The following ARID4B variants were observed in gnomAD, a reference collection of about 807,000 sequenced individuals.
The protein encoded by ARID4B is AT-rich interactive domain-containing protein 4B.
Under a neutral mutation model 147.5 loss-of-function variants are expected in ARID4B, and 26 were observed. The ratio of observed to expected loss-of-function variants is 0.18; its 90% confidence interval spans 0.13 to 0.24. The LOEUF is 0.24. Among genes scored for constraint, ARID4B ranks in the 10% least tolerant of loss-of-function variants. ARID4B has a pLI of 1.00. For synonymous variants in ARID4B, 512 were observed against 507.9 expected (o/e 1.01, Z -0.11); for missense variants, 1,179 against 1,511.5 (o/e 0.78, Z 3.65).
At chr1:235,236,859 TATA>T (rs1204365512) in intron 8 of ARID4B, among the ~76,000 whole-genome samples, 7 of 39,818 alleles carry the variant, frequency 1.8e-4, no homozygotes, top group African/African-American at 4.9e-4. Context: ...TATATATATA[TATA>T]TTTTTTTTTT....
intron 6 of ARID4B, among the ~76,000 whole-genome samples, chr1:235,252,154 T>A (rs765416698): frequency 2.6e-5 from 4 of 152,148 alleles, no homozygotes; most frequent in Non-Finnish European, 4.4e-5. Flanking sequence ...AACAAAGCCA[T>A]GAAGAAGATA....
intron 10 of ARID4B, 139 bp from the exon 11 acceptor site, chr1:235,229,524 TG>T (rs1296311771): frequency 4.7e-6 from 3 of 640,328 alleles, no homozygotes; most frequent in Non-Finnish European, 7.9e-6. Context: ...CCAGAAACTG[TG>T]TTAAGTGCTT....
At chr1:235,197,366 C>T (rs1267608531) in intron 17 of ARID4B, among the ~76,000 whole-genome samples, 1 of 152,190 alleles carries the variant, frequency 6.6e-6, no homozygotes, top group African/African-American at 2.4e-5. Context: ...AAGTAAATGA[C>T]TTGAGTCATT....
chr1:235,290,637 T>C (rs1178554181), intron 2 of ARID4B, among the ~76,000 whole-genome samples: 1 of 152,230 alleles, frequency 6.6e-6, no homozygotes, highest in Non-Finnish European at 1.5e-5. Flanking sequence ...TCGTAAATCT[T>C]ATACATCTGT....
At chr1:235,217,794 T>C (rs921977397) in intron 16 of ARID4B, among the ~76,000 whole-genome samples, 13 of 152,290 alleles carry the variant, frequency 8.5e-5, no homozygotes, top group African/African-American at 3.1e-4. Context: ...ATTATCACTG[T>C]AAAATTTTCC....
intron 11 of ARID4B, among the ~76,000 whole-genome samples, chr1:235,226,898 A>G (rs1667869533): frequency 6.6e-6 from 1 of 152,092 alleles, no homozygotes. Context: ...CAAACTCCTG[A>G]CCTCAGGTGA....
chr1:235,179,305 A>C (rs1332474460), intron 20 of ARID4B, among the ~76,000 whole-genome samples: 2 of 152,010 alleles, frequency 1.3e-5, no homozygotes, highest in African/African-American at 4.8e-5. Flanking sequence ...AGGCCAAGGT[A>C]GGTGGATTAC....
At chr1:235,201,326 T>C (rs1006960716) in intron 17 of ARID4B, among the ~76,000 whole-genome samples, 1 of 151,868 alleles carries the variant, frequency 6.6e-6, no homozygotes. Context: ...AATACGAGAA[T>C]CTTCTTTTTT....
chr1:235,180,267 G>C (rs1476569596), intron 20 of ARID4B: 1 of 150,030 alleles, frequency 6.7e-6, no homozygotes, highest in East Asian at 2.0e-4. Flanking sequence ...CCCCAAGGTA[G>C]CTGGGACTAC....
At chr1:235,184,540 TCTA>T (rs963703725) in intron 19 of ARID4B, among the ~76,000 whole-genome samples, 3 of 152,218 alleles carry the variant, frequency 2.0e-5, no homozygotes, top group African/African-American at 7.2e-5. Flanking sequence ...ACTATAGCTC[TCTA>T]CTGAGAAATC....
chr1:235,177,317 A>T (rs1019447501), intron 21 of ARID4B, among the ~76,000 whole-genome samples: 3 of 152,216 alleles, frequency 2.0e-5, no homozygotes, highest in South Asian at 4.1e-4. Flanking sequence ...TGATGTTTAT[A>T]ATATATTGGC....
In ARID4B at chr1:235,240,690, TGAG is replaced by T. The variant is rs575725686; in HGVS notation, c.447-242_447-240del. Among the ~76,000 whole-genome samples, 398 of 152,204 alleles carry T rather than the reference TGAG, an allele frequency of 2.6e-3. 2 individuals carry two copies. The highest frequency in any genetic ancestry group is 0.024 in the Middle Eastern group (7 of 294). ...TTTATTTAGTGCTACTGTAAAAAAT[TGAG>T]GAGGAAGATCAGGACAAATAACTGG... On this transcript the variant is annotated intron_variant, in intron 7 of 23. Coordinates refer to ENST00000264183, the MANE Select transcript of ARID4B (RefSeq NM_016374.6).
At chr1:235,213,370 G>A (rs1666829563) in intron 17 of ARID4B, among the ~76,000 whole-genome samples, 1 of 152,152 alleles carries the variant, frequency 6.6e-6, no homozygotes, top group South Asian at 2.1e-4. Context: ...TTAAATCCCT[G>A]ACTACAGAAG....
intron 2 of ARID4B, among the ~76,000 whole-genome samples, chr1:235,261,799 C>G (rs1039971828): frequency 2.0e-5 from 3 of 152,132 alleles, no homozygotes; most frequent in East Asian, 1.9e-4. Flanking sequence ...CTAAGGAGTT[C>G]TTCTGCTTAT....
intron 2 of ARID4B, among the ~76,000 whole-genome samples, chr1:235,270,225 G>A (rs1281120800): frequency 6.6e-6 from 1 of 152,172 alleles, no homozygotes; most frequent in East Asian, 1.9e-4. Context: ...GGTGCTTGCA[G>A]TGAGCCGAGA....
At position 235,182,254 on chromosome 1, in the gene ARID4B, G is replaced by T. The variant is rs755714856; in HGVS notation, c.2665C>A (p.Leu889Ile). Reference protein sequence around the residue: ...YNGLEEKRKSLRTTGFYSGFS... With the variant: ...YNGLEEKRKSIRTTGFYSGFS... Reference sequence around the variant, plus strand: ...CCTGAATAGAAACCAGTTGTCCGTAGAGATTTTCTTTTTTCCTCCAAACCA... The same window carrying T: ...CCTGAATAGAAACCAGTTGTCCGTATAGATTTTCTTTTTTCCTCCAAACCA... Residue 889 changes from leucine to isoleucine, a missense_variant, in exon 20 of 24, where the codon CTA becomes ATA. Leu to Ile is a conservative substitution (Grantham distance 5, BLOSUM62 2). Around this residue, in one of 10 missense-constraint regions of ARID4B, gnomAD observed 321 missense variants for 342.4 expected, o/e 0.94. Coordinates refer to ENST00000264183, the MANE Select transcript of ARID4B (RefSeq NM_016374.6). 1 of 1,612,846 alleles carries T rather than the reference G, an allele frequency of 6.2e-7. No individual in the cohort carries two copies. Among genetic ancestry groups the T allele is most frequent in the South Asian group, 1.1e-5 (1 of 90,708 alleles).
chr1:235,288,492 T>G (rs752353405), intron 2 of ARID4B, among the ~76,000 whole-genome samples: 7 of 152,238 alleles, frequency 4.6e-5, no homozygotes, highest in Non-Finnish European at 8.8e-5. Context: ...TTTAATATAC[T>G]GTCTTTCAAC....
At chr1:235,170,928 A>G (rs189859104) in intron 23 of ARID4B, among the ~76,000 whole-genome samples, 19,125 of 148,930 alleles carry the variant, frequency 0.13, 1,506 homozygotes, top group African/African-American at 0.19. Flanking sequence ...AAAAAAAAAA[A>G]AAAAAACCAC....
chr1:235,238,986 CTT>C (rs5781822), intron 8 of ARID4B, among the ~76,000 whole-genome samples: 215 of 139,344 alleles, frequency 1.5e-3, no homozygotes, highest in African/African-American at 2.3e-3. Flanking sequence ...TTTTTTTCTT[CTT>C]TTTTTTTTTT....
Sources: gnomAD v4.1 joint callset for allele counts (sites outside exome capture counted in the v4.1 genomes callset) on GRCh38, gnomAD v4.1.1 for gene constraint, gnomAD v4.1.1 regional missense constraint, MANE v1.5 for transcripts, NCBI Gene and HGNC (gene_info 2026-07-23, HGNC 2026-07-21) for gene names.